VIT: variants seen among roughly 807,000 people sequenced by gnomAD.
VIT encodes vitrin.
A neutral mutation model predicts 78.0 loss-of-function variants in VIT; 99 were observed. The ratio of observed to expected loss-of-function variants is 1.27; its 90% CI spans 1.08 to 1.50. The LOEUF (loss-of-function observed/expected upper bound fraction) is 1.50, where lower values mean the gene tolerates loss of function less well. VIT is among the 40% of genes most tolerant of loss of function. The probability of loss-of-function intolerance (pLI) is 0.00; values close to 1 mark genes in which losing one functional copy is unlikely to be tolerated. For missense variants in VIT, 1,126 were observed against 875.3 expected (o/e 1.29, Z -3.61); for synonymous variants, 374 against 334.3 (o/e 1.12, Z -1.29).
In VIT at chr2:36,805,634, G is replaced by C. The variant is rs201761041; in HGVS notation, c.1359G>C (p.Gln453His). The change falls in exon 14 of 16, where the codon CAG (glutamine) becomes CAC (histidine). Residue 453 changes from glutamine to histidine, a missense_variant. Physicochemically the swap from Gln to His is conservative, Grantham distance 24. Transcript: ENST00000379242. The stretch of plus-strand genomic sequence containing the variant: ...AAGGTGCTGCTGAAAATGAGAAGCA[G>C]TATGTGGTGGAGCCCAACTTTGCAA... The part of the protein sequence containing the change: ...TIEGAAENEK[Q>H]YVVEPNFANK... 10 of 1,613,998 alleles carry C rather than the reference G, an allele frequency of 6.2e-6. No homozygotes were observed. The highest frequency in any genetic ancestry group is 2.2e-5 in the South Asian group (2 of 91,086).
intron 3 of VIT, among the ~76,000 whole-genome samples, chr2:36,741,550 C>T (rs1332517102): frequency 6.6e-6 from 1 of 152,110 alleles, no homozygotes; most frequent in African/African-American, 2.4e-5. Context: ...AAATGCAATT[C>T]TCCTCATTCA....
intron 1 of VIT, among the ~76,000 whole-genome samples, chr2:36,703,352 C>G (rs973593580): frequency 2.0e-5 from 3 of 151,910 alleles, no homozygotes; most frequent in African/African-American, 7.3e-5. Flanking sequence ...CCCCCACCCC[C>G]CTACACCCAG....
intron 6 of VIT, among the ~76,000 whole-genome samples, chr2:36,766,076 G>A (rs759437): frequency 0.25 from 38,666 of 152,176 alleles, 5,375 homozygotes; most frequent in Admixed American, 0.37. Context: ...AAACCCCAAT[G>A]CCCAGTGGGT....
chr2:36,785,908 A>T (rs17019730), intron 11 of VIT, among the ~76,000 whole-genome samples: 2,403 of 152,310 alleles, frequency 0.016, 62 homozygotes, highest in African/African-American at 0.055. Context: ...AAACTTTGTC[A>T]ACTCATGTTC....
At chr2:36,772,933 T>G (rs866626924) in intron 7 of VIT, among the ~76,000 whole-genome samples, 1 of 152,244 alleles carries the variant, frequency 6.6e-6, no homozygotes, top group Non-Finnish European at 1.5e-5. Flanking sequence ...TGCATTTCTC[T>G]TAACAGAATG....
At chr2:36,725,317 C>CAGA (rs1355815392) in intron 2 of VIT, among the ~76,000 whole-genome samples, 1 of 152,172 alleles carries the variant, frequency 6.6e-6, no homozygotes, top group Non-Finnish European at 1.5e-5. Context: ...CTTAGAAAAA[C>CAGA]AGAAGTTTAT....
intron 4 of VIT, among the ~76,000 whole-genome samples, chr2:36,753,469 A>G (rs2148545455): frequency 6.6e-6 from 1 of 152,324 alleles, no homozygotes; most frequent in South Asian, 2.1e-4. Context: ...AAATATTTCC[A>G]TTTTGTTGAG....
intron 9 of VIT, among the ~76,000 whole-genome samples, chr2:36,779,908 A>T (rs1664622312): frequency 6.7e-6 from 1 of 150,102 alleles, no homozygotes; most frequent in Non-Finnish European, 1.5e-5. Flanking sequence ...TGACAACCCT[A>T]CACTGCAAAA....
At chr2:36,748,943 C>A (rs1389158110) in intron 4 of VIT, among the ~76,000 whole-genome samples, 1 of 152,138 alleles carries the variant, frequency 6.6e-6, no homozygotes, top group Non-Finnish European at 1.5e-5. Flanking sequence ...ATCTTGACGC[C>A]CTCCCTGAAA....
intron 7 of VIT, among the ~76,000 whole-genome samples, chr2:36,773,209 T>G (rs1485330152): frequency 6.6e-6 from 1 of 152,218 alleles, no homozygotes; most frequent in East Asian, 1.9e-4. Flanking sequence ...GTAAGAATAA[T>G]GAAGTGTAAA....
At chr2:36,759,487 A>T (rs1668976480) in intron 6 of VIT, 1 of 1,185,960 alleles carries the variant, frequency 8.4e-7, no homozygotes, top group Non-Finnish European at 1.1e-6. Flanking sequence ...CCAGGCCAAA[A>T]ATACACTGTC....
intron 12 of VIT, among the ~76,000 whole-genome samples, chr2:36,800,299 C>T (rs948980381): frequency 3.3e-5 from 5 of 152,060 alleles, no homozygotes; most frequent in South Asian, 2.1e-4. Context: ...GAGCTGAGAT[C>T]GCGCCACTGC....
intron 6 of VIT, chr2:36,759,414 T>C (rs1404673127): frequency 1.5e-5 from 20 of 1,312,074 alleles, no homozygotes; most frequent in Non-Finnish European, 1.9e-5. Flanking sequence ...AGATATGAAA[T>C]GAAGAGAAGC....
At chr2:36,803,658 T>A (rs906785791) in intron 13 of VIT, among the ~76,000 whole-genome samples, 7 of 152,222 alleles carry the variant, frequency 4.6e-5, no homozygotes, top group Non-Finnish European at 8.8e-5. Context: ...TTCCAAGACA[T>A]TTCTGCAGCA....
At chr2:36,740,285 C>T (rs945944678) in intron 3 of VIT, among the ~76,000 whole-genome samples, 9 of 152,268 alleles carry the variant, frequency 5.9e-5, no homozygotes, top group South Asian at 4.1e-4. Context: ...TTAAGTGGAG[C>T]GGTGGAAGAT....
At chr2:36,814,046 G>A (rs983341696) in intron 15 of VIT, 137 bp from the exon 16 acceptor site, 20 of 957,318 alleles carry the variant, frequency 2.1e-5, no homozygotes, top group South Asian at 1.0e-4. Context: ...GGCCTGTAGC[G>A]TATTTTTGGT....
intron 1 of VIT, among the ~76,000 whole-genome samples, chr2:36,708,595 C>T (rs1219592494): frequency 6.6e-6 from 1 of 152,164 alleles, no homozygotes; most frequent in Non-Finnish European, 1.5e-5. Flanking sequence ...GCTGACATGG[C>T]CCTTCATCCC....
At chr2:36,756,905 A>G (rs747138768) in intron 5 of VIT, among the ~76,000 whole-genome samples, 3 of 152,244 alleles carry the variant, frequency 2.0e-5, no homozygotes, top group Non-Finnish European at 2.9e-5. Context: ...AATTAATTCT[A>G]TGGCAGTAGA....
At position 36,737,713 on chromosome 2, in the gene VIT, G is replaced by A. The variant is rs187726438; in HGVS notation, c.119-5387G>A. Among the ~76,000 whole-genome samples, 3 of 152,346 alleles carry A rather than the reference G, an allele frequency of 2.0e-5. No individual in the cohort carries two copies. The East Asian group carries it at 5.8e-4, about 29-fold the overall frequency. On this transcript the variant is annotated intron_variant, in intron 3 of 15. Coordinates refer to ENST00000379242, the MANE Select transcript of VIT (RefSeq NM_053276.4). ...GTTACTTAATGCATTGGACACTGATGAAGAGAAATACGACTCCATGGTTGT... is the reference window on the plus strand; with the variant it reads ...GTTACTTAATGCATTGGACACTGATAAAGAGAAATACGACTCCATGGTTGT...
Sources: gnomAD v4.1 joint callset for allele counts (sites outside exome capture counted in the v4.1 genomes callset) on GRCh38, gnomAD v4.1.1 for gene constraint, MANE v1.5 for transcripts, NCBI Gene and HGNC (gene_info 2026-07-23, HGNC 2026-07-21) for gene names.